Variants in STAC observed in about 807,000 individuals in gnomAD.
The protein encoded by STAC is SH3 and cysteine-rich domain-containing protein.
STAC carries 43 observed loss-of-function variants against 48.8 expected under a neutral mutation model. The ratio of observed to expected loss-of-function variants is 0.88; its 90% CI spans 0.69 to 1.14. STAC has a LOEUF of 1.14. Among genes scored for constraint, STAC ranks in the 50% most tolerant of loss-of-function variants. STAC has a pLI of 0.00. For missense variants in STAC, 497 were observed against 504.0 expected, an observed-to-expected ratio of 0.99 and a Z score of 0.13; for synonymous variants, 193 against 179.5, an observed-to-expected ratio of 1.07 and a Z score of -0.60.
At chr3:36,405,604 T>A (rs1700073806) in intron 1 of STAC, among the ~76,000 whole-genome samples, 1 of 152,188 alleles carries the variant, frequency 6.6e-6, no homozygotes, top group Non-Finnish European at 1.5e-5. Context: ...TGCCTCCCCG[T>A]CAGCTCCATA....
chr3:36,432,908 C>T (rs1005404858), intron 1 of STAC, among the ~76,000 whole-genome samples: 3 of 152,036 alleles, frequency 2.0e-5, no homozygotes, highest in Non-Finnish European at 2.9e-5. Flanking sequence ...AAAGATAACC[C>T]GTGTAAAGTC....
intron 6 of STAC, among the ~76,000 whole-genome samples, chr3:36,498,343 A>G (rs2125709732): frequency 6.6e-6 from 1 of 152,334 alleles, no homozygotes; most frequent in Admixed American, 6.5e-5. Flanking sequence ...ATATAGAACC[A>G]AAGAAATGTT....
Position 36,498,219 on chromosome 3 carries a change from A to G in STAC, c.766+4990A>G, listed in dbSNP as rs146222026. ...AAAGGAAAAAGAGACTATCAGAAGT[A>G]AACAGGCAAGCTTGAGGAAAGTCAA... On this transcript the variant is annotated intron_variant, in intron 6 of 10. Transcript: ENST00000273183. 2.0e-4 allele frequency among the ~76,000 whole-genome samples: 31 copies of G among 152,368 alleles called. No individual in the cohort carries two copies. The South Asian group carries it at 6.4e-3, about 32-fold the overall frequency.
intron 1 of STAC, among the ~76,000 whole-genome samples, chr3:36,385,052 A>G (rs1161647904): frequency 6.6e-6 from 1 of 152,204 alleles, no homozygotes; most frequent in Non-Finnish European, 1.5e-5. Flanking sequence ...AACCCAGGCC[A>G]TAGGCTAGAA....
At chr3:36,459,564 C>T (rs886841454) in intron 2 of STAC, among the ~76,000 whole-genome samples, 2 of 152,186 alleles carry the variant, frequency 1.3e-5, no homozygotes, top group African/African-American at 4.8e-5. Context: ...TCTAGCTTAA[C>T]CATTGTCTCT....
chr3:36,512,790 T>C (rs1009581746), intron 8 of STAC, among the ~76,000 whole-genome samples: 6 of 152,212 alleles, frequency 3.9e-5, no homozygotes, highest in African/African-American at 1.4e-4. Flanking sequence ...ATACTTTTTT[T>C]TATTTTTTTG....
intron 5 of STAC, 53 bp downstream of exon 5, chr3:36,486,302 G>C: frequency 1.3e-6 from 2 of 1,516,526 alleles, no homozygotes; most frequent in Admixed American, 3.5e-5. Flanking sequence ...GGGCAGAGCG[G>C]GCCTCAGGCA....
intron 1 of STAC, among the ~76,000 whole-genome samples, chr3:36,386,978 A>G (rs1189596513): frequency 6.6e-6 from 1 of 152,062 alleles, no homozygotes; most frequent in Non-Finnish European, 1.5e-5. Flanking sequence ...GAGAATGGGC[A>G]TGTTCTCACT....
chr3:36,478,454 A>C (rs79522525), intron 2 of STAC, among the ~76,000 whole-genome samples: 4,744 of 152,208 alleles, frequency 0.031, 217 homozygotes, highest in African/African-American at 0.11. Flanking sequence ...TTGTCAAATG[A>C]CATATCATAT....
intron 1 of STAC, among the ~76,000 whole-genome samples, chr3:36,416,386 T>C (rs890288551): frequency 7.8e-4 from 119 of 152,254 alleles, no homozygotes; most frequent in African/African-American, 2.8e-3. Flanking sequence ...GGTGGGAGGA[T>C]TGCTTGAGCC....
intron 1 of STAC, among the ~76,000 whole-genome samples, chr3:36,398,700 A>G (rs1443019839): frequency 6.6e-6 from 1 of 151,750 alleles, no homozygotes; most frequent in South Asian, 2.1e-4. Context: ...AAAAGAAAGA[A>G]AGAAAGAAAG....
At chr3:36,515,934 C>T (rs564016265) in intron 8 of STAC, among the ~76,000 whole-genome samples, 5 of 147,242 alleles carry the variant, frequency 3.4e-5, no homozygotes, top group Non-Finnish European at 7.4e-5. Context: ...GCAGTTGTTG[C>T]GTGACTCAGA....
At chr3:36,543,418 A>G (rs2125506058) in intron 10 of STAC, among the ~76,000 whole-genome samples, 1 of 152,286 alleles carries the variant, frequency 6.6e-6, no homozygotes, top group East Asian at 1.9e-4. Context: ...TCATCCGTAA[A>G]AAGGTCTCCC....
intron 2 of STAC, among the ~76,000 whole-genome samples, chr3:36,453,013 T>G (rs1696728129): frequency 1.3e-5 from 2 of 152,190 alleles, no homozygotes; most frequent in South Asian, 4.1e-4. Context: ...AAAGCCAAAT[T>G]GCTAATGGGA....
intron 2 of STAC, among the ~76,000 whole-genome samples, chr3:36,448,929 C>T (rs1230659930): frequency 6.8e-6 from 1 of 146,380 alleles, no homozygotes; most frequent in Admixed American, 6.8e-5. Context: ...GACCCAGTCT[C>T]TAAAAAAAAA....
chr3:36,507,703 G>A (rs186639436), intron 8 of STAC, among the ~76,000 whole-genome samples: 84 of 152,222 alleles, frequency 5.5e-4, no homozygotes, highest in African/African-American at 1.9e-3. Context: ...GTTTATTGGC[G>A]TAGAGGTGTG....
chr3:36,522,153 A>G (rs1698823615), intron 8 of STAC, among the ~76,000 whole-genome samples: 1 of 152,212 alleles, frequency 6.6e-6, no homozygotes, highest in East Asian at 1.9e-4. Context: ...ATCATGCATA[A>G]TATATAAGTA....
At chr3:36,517,541 C>A (rs1698702125) in intron 8 of STAC, among the ~76,000 whole-genome samples, 1 of 152,154 alleles carries the variant, frequency 6.6e-6, no homozygotes, top group African/African-American at 2.4e-5. Context: ...GTAGCCCTAG[C>A]TCTTCAGGAA....
At chr3:36,382,610 G>C (rs888339966) in intron 1 of STAC, among the ~76,000 whole-genome samples, 2 of 152,158 alleles carry the variant, frequency 1.3e-5, no homozygotes, top group African/African-American at 2.4e-5. Context: ...CTAGGAAATT[G>C]AATGCAATAT....
Sources: allele counts gnomAD v4.1 joint callset (sites outside exome capture counted in the v4.1 genomes callset), GRCh38; gene constraint gnomAD v4.1.1; transcripts MANE v1.5; gene names NCBI Gene and HGNC (gene_info 2026-07-23, HGNC 2026-07-21).